Variants in CEP295 observed in about 807,000 individuals in gnomAD.
CEP295 encodes the protein centrosomal protein of 295 kDa.
In CEP295, 190 loss-of-function variants were observed where a neutral mutation model predicts 291.6. That is an observed-to-expected ratio of 0.65 (90% confidence interval 0.58 to 0.73). The LOEUF is 0.73. Among genes scored for constraint, CEP295 ranks in the 30% least tolerant of loss-of-function variants. CEP295 has a pLI of 0.00. For missense variants in CEP295, 2,863 were observed against 2,949.4 expected (o/e 0.97, Z 0.68); for synonymous variants, 993 against 1,038.8 (o/e 0.96, Z 0.85).
In CEP295 at chr11:93,697,483, G is replaced by A; in HGVS notation, c.2571G>A (p.Gln857=). ...MKALQEQLDL[Q]KKVLQATQEA... ...CCCTCCAAGAACAGTTAGACCTACAGAAGAAAGTTCTTCAGGCAACTCAGG... is the reference window on the plus strand; with the variant it reads ...CCCTCCAAGAACAGTTAGACCTACAAAAGAAAGTTCTTCAGGCAACTCAGG... The change falls in exon 15 of 30, where the codon CAG becomes CAA. Residue 857 remains glutamine (Q), a synonymous_variant. Transcript: ENST00000325212. The A allele has an allele frequency of 6.4e-7, 1 of 1,551,990 alleles. No homozygotes were observed.
chr11:93,673,008 T>G, intron 5 of CEP295, among the ~76,000 whole-genome samples: 1 of 152,216 alleles, frequency 6.6e-6, no homozygotes, highest in East Asian at 1.9e-4. Context: ...TTCTTCAGAG[T>G]TCTTCCTTGT....
At position 93,717,025 on chromosome 11, in the gene CEP295, T is replaced by A. The variant is rs1591130348; in HGVS notation, c.5750-4287T>A. Among the ~76,000 whole-genome samples the A allele has an allele frequency of 5.9e-5, 9 of 152,252 alleles. No individual in the cohort carries two copies. In the South Asian group the frequency reaches 1.9e-3, roughly 32 times the overall value. On this transcript the variant is annotated intron_variant, in intron 18 of 29. Transcript: ENST00000325212. ...TTTTCTTCTCCCTATGTTGAAGGAGTGCTGGGAGAGTCTACAGAGCACATT... is the reference window on the plus strand; with the variant it reads ...TTTTCTTCTCCCTATGTTGAAGGAGAGCTGGGAGAGTCTACAGAGCACATT...
At chr11:93,706,697 C>T (rs753281603) in intron 17 of CEP295, 48 bp from the exon 18 acceptor site, 80 of 1,459,438 alleles carry the variant, frequency 5.5e-5, no homozygotes, top group South Asian at 4.7e-4. Flanking sequence ...TTAGTTCTAG[C>T]TATTAATAGT....
At chr11:93,689,181 A>G (rs1235223489) in intron 10 of CEP295, among the ~76,000 whole-genome samples, 3 of 152,166 alleles carry the variant, frequency 2.0e-5, no homozygotes, top group African/African-American at 4.8e-5. Context: ...ATTGTCTATT[A>G]ACATAGTGGT....
At chr11:93,680,718 G>T (rs192605389) in intron 7 of CEP295, among the ~76,000 whole-genome samples, 5 of 152,288 alleles carry the variant, frequency 3.3e-5, no homozygotes, top group Admixed American at 3.3e-4. Context: ...TATAGTTTTA[G>T]CTTAACTTCT....
chr11:93,729,444 T>G lies in CEP295; in HGVS notation c.7313T>G (p.Phe2438Cys). Residue 2438 changes from phenylalanine to cysteine, a missense_variant, in exon 26 of 30, where the codon TTT becomes TGT. Coordinates refer to ENST00000325212, the MANE Select transcript of CEP295 (RefSeq NM_033395.2). ...CTTTCTTGCCATTAGGTGAGTGAGT[T>G]TCTGCCTCTTGTATCAGCAACAGAA... The part of the protein sequence containing the change: ...EAKCFFQVSE[F>C]LPLVSATEAS... 6.4e-7 allele frequency: 1 copy of G among 1,551,128 alleles called. No homozygotes were observed. Among genetic ancestry groups the G allele is most frequent in the Non-Finnish European group, 8.7e-7 (1 of 1,146,318 alleles).
chr11:93,667,903 C>A, intron 3 of CEP295, 96 bp downstream of exon 3: 1 of 853,332 alleles, frequency 1.2e-6, no homozygotes, highest in Non-Finnish European at 1.8e-6. Context: ...CATTTTCATG[C>A]ATTGAATTTC....
intron 12 of CEP295, among the ~76,000 whole-genome samples, chr11:93,695,281 T>C (rs901886042): frequency 4.6e-5 from 7 of 152,214 alleles, no homozygotes; most frequent in Admixed American, 2.0e-4. Flanking sequence ...TCTGCCTTTT[T>C]TTACTTCTAT....
At chr11:93,687,397 G>A (rs1951296626) in intron 9 of CEP295, among the ~76,000 whole-genome samples, 1 of 152,228 alleles carries the variant, frequency 6.6e-6, no homozygotes, top group South Asian at 2.1e-4. Context: ...TATTTGTGTT[G>A]CATACATGTT....
At chr11:93,726,088 TTAAG>T (rs1313445924) in intron 23 of CEP295, among the ~76,000 whole-genome samples, 2 of 152,128 alleles carry the variant, frequency 1.3e-5, no homozygotes, top group East Asian at 1.9e-4. Flanking sequence ...AGTTAACAGT[TTAAG>T]TATTATTTTT....
Position 93,698,269 on chromosome 11 carries a change from G to C in CEP295, c.3357G>C (p.Glu1119Asp). ...CTTCACAAGCTTCTGCTAAAGCTGA[G>C]CCTAGGAGAATTCAGGAGCTTTATT... ...SVASQASAKA[E>D]PRRIQELYLS... Residue 1119 changes from glutamate (E) to aspartate (D), a missense_variant, in exon 15 of 30, where the codon GAG becomes GAC. By Grantham distance (45) the Glu-to-Asp change is conservative. Transcript: ENST00000325212. The C allele has an allele frequency of 3.2e-6, 5 of 1,551,844 alleles. No homozygotes were observed. The highest frequency in any genetic ancestry group is 2.6e-6 in the Non-Finnish European group (3 of 1,147,006).
chr11:93,683,753 T>C lies in CEP295; in HGVS notation c.949+11T>C. ...ACAATGCAGACAGGAGTAAGATATT[T>C]TCAGTAGGGCTTTCAATAGTGATTT... On this transcript the variant is annotated intron_variant, in intron 8 of 29. Transcript: ENST00000325212. 6.6e-7 allele frequency: 1 copy of C among 1,525,510 alleles called. No homozygotes were observed. The highest frequency in any genetic ancestry group is 8.8e-7 in the Non-Finnish European group (1 of 1,139,702). The allele number at this position is 1,525,510 out of a possible 1,614,324, so 94.5% of individuals were successfully genotyped here.
At chr11:93,668,069 T>C (rs1203802407) in intron 3 of CEP295, among the ~76,000 whole-genome samples, 2 of 152,154 alleles carry the variant, frequency 1.3e-5, no homozygotes, top group African/African-American at 2.4e-5. Context: ...TACTCCTCTA[T>C]CTGGGGAAAT....
At chr11:93,686,953 T>A (rs2186686) in intron 9 of CEP295, among the ~76,000 whole-genome samples, 5 of 152,246 alleles carry the variant, frequency 3.3e-5, no homozygotes, top group South Asian at 2.1e-4. Flanking sequence ...ATTTTATTCC[T>A]TGACTAAGCC....
At chr11:93,721,746 A>T in intron 19 of CEP295, 1 of 716,300 alleles carries the variant, frequency 1.4e-6, no homozygotes, top group Non-Finnish European at 2.6e-6. Context: ...AATGAATGAG[A>T]TTGAGGGTGG....
At chr11:93,722,949 C>T in intron 20 of CEP295, 92 bp from the exon 21 acceptor site, 1 of 953,612 alleles carries the variant, frequency 1.0e-6, no homozygotes, top group Non-Finnish European at 1.5e-6. Flanking sequence ...ACCTCGTGAT[C>T]CACCCACCTC....
At chr11:93,685,956 A>G (rs2134987943) in intron 9 of CEP295, among the ~76,000 whole-genome samples, 1 of 149,928 alleles carries the variant, frequency 6.7e-6, no homozygotes, top group East Asian at 2.1e-4. Flanking sequence ...TGACCCGCCC[A>G]CCTCTGCCTC....
intron 17 of CEP295, among the ~76,000 whole-genome samples, chr11:93,705,740 A>G (rs1952470151): frequency 2.0e-5 from 3 of 151,864 alleles, no homozygotes; most frequent in Admixed American, 6.6e-5. Flanking sequence ...TAATGTCTTC[A>G]TATTTGAACG....
chr11:93,723,961 A>T (rs75981436), intron 21 of CEP295: 18 of 166,648 alleles, frequency 1.1e-4, no homozygotes, highest in South Asian at 6.7e-4. Context: ...TCTCTATTTT[A>T]AAAAAAAATT....
Sources: allele counts gnomAD v4.1 joint callset (sites outside exome capture counted in the v4.1 genomes callset), GRCh38; gene constraint gnomAD v4.1.1; transcripts MANE v1.5; gene names NCBI Gene and HGNC (gene_info 2026-07-23, HGNC 2026-07-21).